Variants in ABCC4 observed in about 807,000 individuals in gnomAD.
The protein encoded by ABCC4 is ATP binding cassette subfamily C member 4 (PEL blood group).
ABCC4 carries 102 observed loss-of-function variants against 168.5 expected under a neutral mutation model. The observed-to-expected ratio is 0.61, with a 90% CI of 0.52 to 0.71. The LOEUF is 0.71. ABCC4 is among the 30% of genes least tolerant of loss of function. The probability of loss-of-function intolerance (pLI) is 0.00; values close to 1 mark genes in which losing one functional copy is unlikely to be tolerated. For missense variants in ABCC4, 1,402 were observed against 1,605.8 expected (o/e 0.87, Z 2.17); for synonymous variants, 617 against 590.7 (o/e 1.04, Z -0.65).
Position 95,021,519 on chromosome 13 carries a change from T to A in ABCC4, c.*56A>T. 1 of 1,281,652 alleles carries A rather than the reference T, an allele frequency of 7.8e-7. No individual in the cohort carries two copies. The highest frequency in any genetic ancestry group is 1.1e-6 in the Non-Finnish European group (1 of 883,634). The allele number at this position is 1,281,652 out of a possible 1,614,324, so 79.4% of individuals were successfully genotyped here. ...AAAAAAAAGTACAATGTGGTTTACA[T>A]AGTCCAAAAACTAGTGGAAAATGCC... On this transcript the variant is annotated 3_prime_UTR_variant, in exon 31 of 31. Coordinates refer to ENST00000645237, the MANE Select transcript of ABCC4 (RefSeq NM_005845.5).
chr13:95,049,418 G>A (rs958240483), intron 27 of ABCC4, among the ~76,000 whole-genome samples: 3 of 151,852 alleles, frequency 2.0e-5, no homozygotes, highest in African/African-American at 7.3e-5. Context: ...GAAGCAGGTG[G>A]ATCACGAGGT....
At chr13:95,183,981 TCCA>T (rs10577630) in intron 11 of ABCC4, among the ~76,000 whole-genome samples, 134,068 of 152,008 alleles carry the variant, frequency 0.88, 59,343 homozygotes, top group African/African-American at 0.92. Context: ...GTTCGACTTC[TCCA>T]CCACCGGAGG....
chr13:95,077,215 CT>C (rs1389171091), intron 21 of ABCC4, among the ~76,000 whole-genome samples: 1 of 152,224 alleles, frequency 6.6e-6, no homozygotes, highest in Admixed American at 6.5e-5. Flanking sequence ...CTTTAGCATT[CT>C]TTTCTGAGAT....
intron 1 of ABCC4, among the ~76,000 whole-genome samples, chr13:95,281,179 G>A (rs1225950093): frequency 6.6e-6 from 1 of 151,474 alleles, no homozygotes; most frequent in South Asian, 2.1e-4. Context: ...GTGTGGTGGT[G>A]CAAGCCTGTA....
intron 1 of ABCC4, among the ~76,000 whole-genome samples, chr13:95,288,250 C>T (rs1223978349): frequency 6.6e-6 from 1 of 152,080 alleles, no homozygotes; most frequent in Non-Finnish European, 1.5e-5. Context: ...GTCACAATAA[C>T]TAGCTTCTCA....
At chr13:95,083,397 G>A in intron 20 of ABCC4, 107 bp from the exon 21 acceptor site, 1 of 1,326,072 alleles carries the variant, frequency 7.5e-7, no homozygotes, top group South Asian at 1.5e-5. Context: ...AAGACTTATT[G>A]TAGTACCAGG....
At chr13:95,050,227 C>T (rs181789552) in intron 27 of ABCC4, among the ~76,000 whole-genome samples, 7 of 152,282 alleles carry the variant, frequency 4.6e-5, no homozygotes, top group Non-Finnish European at 7.4e-5. Context: ...GAATTCTCTA[C>T]GAGAAGACCC....
At chr13:95,263,195 A>G (rs537963971) in intron 1 of ABCC4, among the ~76,000 whole-genome samples, 1 of 152,314 alleles carries the variant, frequency 6.6e-6, no homozygotes, top group South Asian at 2.1e-4. Context: ...TTCAAGGTTA[A>G]TGATTAATTA....
intron 19 of ABCC4, among the ~76,000 whole-genome samples, chr13:95,144,639 G>A (rs1046565182): frequency 4.0e-5 from 6 of 151,800 alleles, no homozygotes; most frequent in East Asian, 1.9e-4. Context: ...AGAATACCAC[G>A]GCCACAAAAA....
At chr13:95,126,990 T>A (rs2035804753) in intron 19 of ABCC4, among the ~76,000 whole-genome samples, 1 of 151,702 alleles carries the variant, frequency 6.6e-6, no homozygotes, top group Non-Finnish European at 1.5e-5. Context: ...AATATTACTA[T>A]GATTCTTATA....
rs753898962 is a variant in ABCC4 at position 95,071,649 on chromosome 13, G to A, written c.3210+13C>T. On this transcript the variant is annotated intron_variant, in intron 25 of 30. Coordinates refer to ENST00000645237, the MANE Select transcript of ABCC4 (RefSeq NM_005845.5). The stretch of plus-strand genomic sequence containing the variant: ...TTCTGAAATTGAGAAGAGGCAAGAT[G>A]CTTTAAACAAACCTTTTCTTGTGAT... 1 of 1,410,726 alleles carries A rather than the reference G, an allele frequency of 7.1e-7. No individual in the cohort carries two copies. Among genetic ancestry groups the A allele is most frequent in the African/African-American group, 1.5e-5 (1 of 68,166 alleles). 87.4% of individuals were successfully genotyped at this position (1,410,726 alleles called of 1,614,324 possible).
intron 1 of ABCC4, among the ~76,000 whole-genome samples, chr13:95,272,289 A>ACCTGC (rs71706199): frequency 0.38 from 56,810 of 151,442 alleles, 12,590 homozygotes; most frequent in African/African-American, 0.63. Flanking sequence ...CAGGTGATCC[A>ACCTGC]CTTGGCCTCC....
chr13:95,081,529 T>C (rs1464467623), intron 21 of ABCC4, among the ~76,000 whole-genome samples: 2 of 152,212 alleles, frequency 1.3e-5, no homozygotes, highest in Non-Finnish European at 2.9e-5. Flanking sequence ...GCAAGTCCTA[T>C]TGGCCAAGTG....
chr13:95,034,195 T>G (rs1266735576), intron 30 of ABCC4, among the ~76,000 whole-genome samples: 2 of 152,226 alleles, frequency 1.3e-5, no homozygotes, highest in Non-Finnish European at 2.9e-5. Context: ...CCCAAACTCT[T>G]AAATCTCCTG....
chr13:95,247,278 A>C lies in ABCC4; in HGVS notation c.186-183T>G, dbSNP rs893352142. Among the ~76,000 whole-genome samples, 56 of 152,158 alleles carry C rather than the reference A, an allele frequency of 3.7e-4. 1 individual carries two copies. The highest frequency in any genetic ancestry group is 2.0e-4 in the Admixed American group (3 of 15,272). On this transcript the variant is annotated intron_variant, in intron 2 of 30. Transcript: ENST00000645237. ...GGTACAGAATCTGGAGCATCAGAAA[A>C]ACAGGCCTTGAGGGGAAGTCTGGGG...
chr13:95,152,950 C>G (rs2036738063), intron 19 of ABCC4, among the ~76,000 whole-genome samples: 1 of 152,124 alleles, frequency 6.6e-6, no homozygotes, highest in Non-Finnish European at 1.5e-5. Context: ...GCGTTTCAAG[C>G]TAGCAAATCC....
At chr13:95,204,877 G>A (rs940357647) in intron 8 of ABCC4, among the ~76,000 whole-genome samples, 3 of 152,140 alleles carry the variant, frequency 2.0e-5, no homozygotes, top group African/African-American at 7.2e-5. Flanking sequence ...GCTTCCAAGA[G>A]CCCTGGTCCA....
At chr13:95,129,541 A>G (rs1175705036) in intron 19 of ABCC4, among the ~76,000 whole-genome samples, 1 of 152,240 alleles carries the variant, frequency 6.6e-6, no homozygotes, top group Non-Finnish European at 1.5e-5. Flanking sequence ...TCAATTTGCC[A>G]ATATTATATC....
At chr13:95,189,265 C>G (rs987248875) in intron 9 of ABCC4, among the ~76,000 whole-genome samples, 3 of 150,960 alleles carry the variant, frequency 2.0e-5, no homozygotes, top group Non-Finnish European at 4.4e-5. Context: ...TCCCGAGTAG[C>G]TGGGACTACA....
Sources: gnomAD v4.1 joint callset for allele counts (sites outside exome capture counted in the v4.1 genomes callset) on GRCh38, gnomAD v4.1.1 for gene constraint, MANE v1.5 for transcripts, NCBI Gene and HGNC (gene_info 2026-07-23, HGNC 2026-07-21) for gene names.